The following CDH20 variants were observed in gnomAD, a reference collection of about 807,000 sequenced individuals.
The protein encoded by CDH20 is cadherin 20, also known as cadherin-20.
In CDH20, 29 loss-of-function variants were observed where a neutral mutation model predicts 74.2. That is an observed-to-expected ratio of 0.39 (90% CI 0.29 to 0.53). CDH20 has a LOEUF of 0.53. CDH20 is among the 20% of genes least tolerant of loss of function. The pLI is 0.69. For synonymous variants in CDH20, 469 were observed against 405.4 expected (o/e 1.16, Z -1.88); for missense variants, 988 against 1,048.3 (o/e 0.94, Z 0.79).
At chr18:61,537,974 G>C (rs965928969) in intron 8 of CDH20, among the ~76,000 whole-genome samples, 1 of 152,100 alleles carries the variant, frequency 6.6e-6, no homozygotes, top group Non-Finnish European at 1.5e-5. Flanking sequence ...GACCAAAACA[G>C]AAAAAGACAG....
At chr18:61,473,213 T>C (rs971596575) in intron 1 of CDH20, among the ~76,000 whole-genome samples, 2 of 152,212 alleles carry the variant, frequency 1.3e-5, no homozygotes, top group Non-Finnish European at 2.9e-5. Context: ...TTAATCCTAA[T>C]TTGATGCTAT....
At chr18:61,435,876 A>G (rs1412891548) in intron 1 of CDH20, among the ~76,000 whole-genome samples, 4 of 152,038 alleles carry the variant, frequency 2.6e-5, no homozygotes, top group Non-Finnish European at 5.9e-5. Flanking sequence ...ATTTTCGGAC[A>G]TTTTCAATAC....
chr18:61,411,678 A>G (rs1220429225), intron 1 of CDH20, among the ~76,000 whole-genome samples: 1 of 151,910 alleles, frequency 6.6e-6, no homozygotes, highest in Non-Finnish European at 1.5e-5. Flanking sequence ...CAACTCAGCC[A>G]TTAAAAAGGA....
chr18:61,339,780 T>C (rs905910070), intron 1 of CDH20, among the ~76,000 whole-genome samples: 3 of 143,952 alleles, frequency 2.1e-5, no homozygotes, highest in Non-Finnish European at 3.0e-5. Flanking sequence ...CTCCGCCTCC[T>C]GGGTTCATGC....
chr18:61,519,612 C>A (rs1912119020), intron 6 of CDH20, among the ~76,000 whole-genome samples: 1 of 151,236 alleles, frequency 6.6e-6, no homozygotes, highest in Non-Finnish European at 1.5e-5. Context: ...AAAAGAACTC[C>A]TCAAGGAAGC....
intron 1 of CDH20, among the ~76,000 whole-genome samples, chr18:61,382,853 T>G (rs1469188098): frequency 6.6e-6 from 1 of 152,130 alleles, no homozygotes. Flanking sequence ...AAACAGCCCT[T>G]GCCAGCCCAG....
At chr18:61,376,699 T>C (rs1264494560) in intron 1 of CDH20, among the ~76,000 whole-genome samples, 1 of 152,168 alleles carries the variant, frequency 6.6e-6, no homozygotes, top group East Asian at 1.9e-4. Context: ...CTGAAGACAG[T>C]TTCTTTATGA....
At chr18:61,506,671 A>C (rs769912035) in intron 5 of CDH20, among the ~76,000 whole-genome samples, 2 of 152,250 alleles carry the variant, frequency 1.3e-5, no homozygotes, top group Non-Finnish European at 2.9e-5. Context: ...TCAGGATATC[A>C]TGTCCAAAAG....
Position 61,337,461 on chromosome 18 carries a change from C to T in CDH20, c.-153+3634C>T, listed in dbSNP as rs532209923. ...TTATGCTTCTCCAATACTTTTTTCT[C>T]GGACATATAAGACTTAAAAAGTAAA... On this transcript the variant is annotated intron_variant, in intron 1 of 11. Transcript: ENST00000262717. Among the ~76,000 whole-genome samples the T allele has an allele frequency of 4.6e-5, 7 of 152,206 alleles. No homozygotes were observed. The South Asian group carries it at 8.3e-4, about 18-fold the overall frequency.
At chr18:61,463,069 C>G (rs1909840285) in intron 1 of CDH20, among the ~76,000 whole-genome samples, 1 of 152,186 alleles carries the variant, frequency 6.6e-6, no homozygotes, top group Non-Finnish European at 1.5e-5. Flanking sequence ...ACCTCACTTT[C>G]TTACCCGACT....
At chr18:61,411,254 A>G (rs1009901439) in intron 1 of CDH20, among the ~76,000 whole-genome samples, 1 of 152,096 alleles carries the variant, frequency 6.6e-6, no homozygotes, top group African/African-American at 2.4e-5. Flanking sequence ...TGAAAAAATA[A>G]TAGATGTTGG....
At chr18:61,424,083 T>C (rs1912984356) in intron 1 of CDH20, among the ~76,000 whole-genome samples, 1 of 152,236 alleles carries the variant, frequency 6.6e-6, no homozygotes, top group Admixed American at 6.5e-5. Flanking sequence ...CAACTCATGT[T>C]TGTTTTACTA....
chr18:61,369,623 A>G (rs1910966099), intron 1 of CDH20, among the ~76,000 whole-genome samples: 1 of 152,120 alleles, frequency 6.6e-6, no homozygotes, highest in Admixed American at 6.6e-5. Flanking sequence ...ACGTATGTTC[A>G]TTGGAGCACT....
chr18:61,336,836 T>G, intron 1 of CDH20, among the ~76,000 whole-genome samples: 1 of 147,272 alleles, frequency 6.8e-6, no homozygotes, highest in African/African-American at 2.5e-5. Context: ...GTGATGAGAA[T>G]AGGTCTTTTC....
chr18:61,522,057 A>C (rs1044965016), intron 6 of CDH20, among the ~76,000 whole-genome samples: 3 of 152,222 alleles, frequency 2.0e-5, no homozygotes, highest in Non-Finnish European at 4.4e-5. Flanking sequence ...CAGTATTGGA[A>C]GTTTTGGCCA....
chr18:61,341,690 A>G (rs897997335), intron 1 of CDH20, among the ~76,000 whole-genome samples: 11 of 152,206 alleles, frequency 7.2e-5, no homozygotes, highest in Non-Finnish European at 1.0e-4. Flanking sequence ...TTGGAATATT[A>G]AGTAAGAATC....
intron 7 of CDH20, among the ~76,000 whole-genome samples, chr18:61,531,478 G>GT (rs1912636933): frequency 5.9e-5 from 9 of 152,168 alleles, no homozygotes; most frequent in South Asian, 2.1e-4. Context: ...GCCAATCGGT[G>GT]TTTTTTTATT....
chr18:61,361,953 T>C (rs1045023208), intron 1 of CDH20, among the ~76,000 whole-genome samples: 1 of 152,174 alleles, frequency 6.6e-6, no homozygotes, highest in African/African-American at 2.4e-5. Flanking sequence ...TTTATGTTTT[T>C]CAAGCATTCT....
Position 61,500,466 on chromosome 18 carries a change from C to G in CDH20, c.625C>G (p.Gln209Glu). 1 of 1,612,236 alleles carries G rather than the reference C, an allele frequency of 6.2e-7. No homozygotes were observed. Among genetic ancestry groups the G allele is most frequent in the Non-Finnish European group, 8.5e-7 (1 of 1,178,752 alleles). The change falls in exon 4 of 12, where the codon CAG (glutamine) becomes GAG (glutamate). Residue 209 changes from glutamine to glutamate, a missense_variant. Around this residue, in one of 2 missense-constraint regions of CDH20, gnomAD observed 613 missense variants for 755.2 expected, o/e 0.81. Coordinates refer to ENST00000262717, the MANE Select transcript of CDH20 (RefSeq NM_031891.4). Reference protein sequence around the residue: ...NSARVVYSILQGQPYFSVDSK... With the variant: ...NSARVVYSILEGQPYFSVDSK... The stretch of plus-strand genomic sequence containing the variant: ...TGCCAGGGTGGTGTACAGCATTCTT[C>G]AGGGCCAGCCATATTTTTCTGTGGA...
Sources: gnomAD v4.1 joint callset for allele counts (sites outside exome capture counted in the v4.1 genomes callset) on GRCh38, gnomAD v4.1.1 for gene constraint, gnomAD v4.1.1 regional missense constraint, MANE v1.5 for transcripts, NCBI Gene and HGNC (gene_info 2026-07-23, HGNC 2026-07-21) for gene names.